NDUFS1: variants seen among roughly 807,000 people sequenced by gnomAD.
NDUFS1 encodes the protein NADH-ubiquinone oxidoreductase 75 kDa subunit, mitochondrial.
In NDUFS1, 61 loss-of-function variants were observed where a neutral mutation model predicts 84.4. The ratio of observed to expected loss-of-function variants is 0.72; its 90% CI spans 0.59 to 0.89. NDUFS1 has a LOEUF of 0.89. Ranked by LOEUF, NDUFS1 falls within the 40% of genes least tolerant of loss-of-function variation. NDUFS1 has a pLI of 0.00. For missense variants in NDUFS1, 891 were observed against 890.0 expected, an observed-to-expected ratio of 1.00 and a Z score of -0.01; for synonymous variants, 275 against 290.0, an observed-to-expected ratio of 0.95 and a Z score of 0.53.
chr2:206,152,551 T>C (rs1161141174), intron 2 of NDUFS1, 41 bp from the exon 3 acceptor site: 1 of 1,540,768 alleles, frequency 6.5e-7, no homozygotes. Context: ...AGATTAACAG[T>C]TTATTATAGC....
At chr2:206,148,030 T>C (rs566521525) in intron 5 of NDUFS1, among the ~76,000 whole-genome samples, 196 bp from the exon 6 acceptor site, 1 of 152,212 alleles carries the variant, frequency 6.6e-6, no homozygotes, top group Non-Finnish European at 1.5e-5. Flanking sequence ...GTTCAAGCGA[T>C]TCTCTTGCCT....
chr2:206,149,379 A>G (rs961699344), intron 4 of NDUFS1, among the ~76,000 whole-genome samples: 1 of 152,204 alleles, frequency 6.6e-6, no homozygotes, highest in Admixed American at 6.5e-5. Context: ...AACACCAAAT[A>G]ACTGCTTTGA....
Position 206,115,293 on chromosome 2 carries a change from G to C in NDUFS1, c.*8892C>G, listed in dbSNP as rs1454097122. 6.5e-6 allele frequency: 1 copy of C among 152,754 alleles called. No homozygotes were observed. The highest frequency in any genetic ancestry group is 1.9e-4 in the East Asian group (1 of 5,230). 9.5% of individuals were successfully genotyped at this position (152,754 alleles called of 1,614,324 possible). A position where few individuals can be genotyped will look rare whatever the true frequency, so the allele number is the denominator to read the frequency against. On this transcript the variant is annotated 3_prime_UTR_variant, in exon 19 of 19. Coordinates refer to ENST00000233190, the MANE Select transcript of NDUFS1 (RefSeq NM_005006.7). ...TGGAATGCTATGTTTTGAATGTGTT[G>C]TCTCCACAATTCATGTGTTGGAAAC...
chr2:206,156,424 A>C (rs1364640454), intron 1 of NDUFS1, among the ~76,000 whole-genome samples: 2 of 151,654 alleles, frequency 1.3e-5, no homozygotes, highest in East Asian at 3.9e-4. Flanking sequence ...AAAAAAAAAA[A>C]ATTAGCTGGG....
rs368481949 is a variant in NDUFS1 at position 206,128,476 on chromosome 2, T to C, written c.1709-504A>G. Among the ~76,000 whole-genome samples the C allele has an allele frequency of 1.2e-4, 18 of 150,612 alleles. 1 individual carries two copies. The East Asian group carries it at 2.2e-3, about 19-fold the overall frequency. ...CCACCGCGCCCGGCCCCAAAGAAAA[T>C]TATTGTTAAAGCATTTGGGGGCCAG... On this transcript the variant is annotated intron_variant, in intron 15 of 18. Coordinates refer to ENST00000233190, the MANE Select transcript of NDUFS1 (RefSeq NM_005006.7).
At chr2:206,125,891 GA>G (rs1419035923) in intron 18 of NDUFS1, among the ~76,000 whole-genome samples, 1 of 152,112 alleles carries the variant, frequency 6.6e-6, no homozygotes, top group East Asian at 1.9e-4. Context: ...CCATAGAAGT[GA>G]TTTTTTGTTG....
Position 206,142,050 on chromosome 2 carries a change from A to G in NDUFS1, c.1153T>C (p.Tyr385His). Residue 385 changes from tyrosine (Y) to histidine (H), a missense_variant, in exon 12 of 19, where the codon TAT becomes CAT. Coordinates refer to ENST00000233190, the MANE Select transcript of NDUFS1 (RefSeq NM_005006.7). ...CCAGCAATTGTAGTATTAAGAAGATAATTGGAACGCAAATCTGTGCTAGAA... is the reference window on the plus strand; with the variant it reads ...CCAGCAATTGTAGTATTAAGAAGATGATTGGAACGCAAATCTGTGCTAGAA... ...AGAGTDLRSN[Y>H]LLNTTIAGVE... 1.2e-6 allele frequency: 2 copies of G among 1,603,540 alleles called. No individual in the cohort carries two copies. The highest frequency in any genetic ancestry group is 1.7e-6 in the Non-Finnish European group (2 of 1,170,396).
Position 206,132,984 on chromosome 2 carries a change from C to T in NDUFS1, c.1514G>A (p.Gly505Asp), listed in dbSNP as rs773117812. 21 of 1,613,822 alleles carry T rather than the reference C, an allele frequency of 1.3e-5. No homozygotes were observed. Among genetic ancestry groups the T allele is most frequent in the African/African-American group, 1.3e-5 (1 of 74,880 alleles). Residue 505 changes from glycine to aspartate, a missense_variant, in exon 14 of 19, where the codon GGT (glycine) becomes GAT (aspartate). Physicochemically the swap from Gly to Asp is moderately conservative, Grantham distance 94. Coordinates refer to ENST00000233190, the MANE Select transcript of NDUFS1 (RefSeq NM_005006.7). The stretch of plus-strand genomic sequence containing the variant: ...CATAACTTTCCAATCACCAGTAACA[C>T]CACTAGTCATCCGAATCTTTTGTGC... ...SIAQKIRMTSGVTGDWKVMNI... is the reference protein window; with the variant it reads ...SIAQKIRMTSDVTGDWKVMNI...
Position 206,153,199 on chromosome 2 carries a change from T to C in NDUFS1, c.61+419A>G, listed in dbSNP as rs974529967. ...CAACTTAGATCATTTGTTTCTTCTT[T>C]TTTTTTTTTTTTCCAAGATGGAGTC... is the stretch of plus-strand genomic sequence containing the variant. On this transcript the variant is annotated intron_variant, in intron 2 of 18. Transcript: ENST00000233190. Among the ~76,000 whole-genome samples, 21 of 151,304 alleles carry C rather than the reference T, an allele frequency of 1.4e-4. 1 individual carries two copies. Among genetic ancestry groups the C allele is most frequent in the Admixed American group, 5.9e-4 (9 of 15,162 alleles).
intron 1 of NDUFS1, 81 bp downstream of exon 1, chr2:206,159,260 G>C (rs984019401): frequency 3.3e-6 from 3 of 900,232 alleles, no homozygotes; most frequent in Admixed American, 4.1e-5. Flanking sequence ...ACTACGTCGC[G>C]TGGGCCAAAG....
chr2:206,143,512 C>T (rs1420294610), intron 10 of NDUFS1, among the ~76,000 whole-genome samples: 1 of 152,016 alleles, frequency 6.6e-6, no homozygotes, highest in African/African-American at 2.4e-5. Flanking sequence ...AAACTATTCC[C>T]TCCACTTGTA....
intron 8 of NDUFS1, among the ~76,000 whole-genome samples, chr2:206,146,639 C>T (rs1003817803): frequency 6.6e-6 from 1 of 152,140 alleles, no homozygotes; most frequent in African/African-American, 2.4e-5. Flanking sequence ...AAAATGTCAA[C>T]ACTATTAAAC....
intron 14 of NDUFS1, among the ~76,000 whole-genome samples, chr2:206,130,457 C>T (rs779105024): frequency 1.3e-5 from 2 of 152,102 alleles, no homozygotes; most frequent in African/African-American, 2.4e-5. Flanking sequence ...TGGATTCAAG[C>T]GATTCTCCTT....
chr2:206,115,884 C>A lies in NDUFS1; in HGVS notation c.*8301G>T. 1 of 556,522 alleles carries A rather than the reference C, an allele frequency of 1.8e-6. No homozygotes were observed. The highest frequency in any genetic ancestry group is 1.9e-5 in the African/African-American group (1 of 52,982). 34.5% of individuals were successfully genotyped at this position (556,522 alleles called of 1,614,324 possible). On this transcript the variant is annotated 3_prime_UTR_variant, in exon 19 of 19. Transcript: ENST00000233190. ...ATGGATAATTTCATGAATACTAGAG[C>A]CTAGTCTAAAAATCATAGGATGTTG...
intron 2 of NDUFS1, 111 bp downstream of exon 2, chr2:206,153,501 CTATTTT>C: frequency 1.5e-6 from 1 of 666,154 alleles, no homozygotes; most frequent in Non-Finnish European, 2.6e-6. Context: ...CGGCCGGTTT[CTATTTT>C]TATTTTAAAA....
At chr2:206,146,858 A>T in intron 8 of NDUFS1, 45 bp downstream of exon 8, 1 of 1,554,862 alleles carries the variant, frequency 6.4e-7, no homozygotes, top group Admixed American at 1.7e-5. Context: ...TTGAATAGTA[A>T]TGAATTAAGG....
intron 10 of NDUFS1, 56 bp from the exon 11 acceptor site, chr2:206,142,887 A>G (rs1339169422): frequency 2.5e-6 from 4 of 1,599,786 alleles, no homozygotes; most frequent in East Asian, 2.3e-5. Context: ...AAAGACCACA[A>G]TGAAATGTTC....
At chr2:206,134,981 T>C (rs768047194) in intron 13 of NDUFS1, among the ~76,000 whole-genome samples, 45 of 151,954 alleles carry the variant, frequency 3.0e-4, no homozygotes, top group Non-Finnish European at 5.0e-4. Context: ...TAAAAATACA[T>C]ATATAGAAAA....
At chr2:206,155,599 G>A (rs1687618071) in intron 1 of NDUFS1, among the ~76,000 whole-genome samples, 1 of 151,798 alleles carries the variant, frequency 6.6e-6, no homozygotes, top group Admixed American at 6.6e-5. Context: ...TGTATTTTTA[G>A]TAGAGACAGG....
Sources: allele counts gnomAD v4.1 joint callset (sites outside exome capture counted in the v4.1 genomes callset), GRCh38; gene constraint gnomAD v4.1.1; transcripts MANE v1.5; gene names NCBI Gene and HGNC (gene_info 2026-07-23, HGNC 2026-07-21).